CNTNAP2: variants seen among roughly 807,000 people sequenced by gnomAD.
CNTNAP2 encodes contactin associated protein 2.
Under a neutral mutation model 155.2 loss-of-function variants are expected in CNTNAP2, and 98 were observed. That is an observed-to-expected ratio of 0.63 (90% CI 0.54 to 0.75). CNTNAP2 has a LOEUF of 0.75. Ranked by LOEUF, CNTNAP2 falls within the 30% of genes least tolerant of loss-of-function variation. CNTNAP2 has a pLI of 0.00. For missense variants in CNTNAP2, 1,727 were observed against 1,688.1 expected, an observed-to-expected ratio of 1.02 and a Z score of -0.40; for synonymous variants, 651 against 631.2, an observed-to-expected ratio of 1.03 and a Z score of -0.47.
intron 8 of CNTNAP2, among the ~76,000 whole-genome samples, chr7:147,246,094 C>CATAT (rs1249276751): frequency 2.7e-5 from 4 of 147,872 alleles, no homozygotes; most frequent in African/African-American, 9.9e-5. Context: ...ATATATATGG[C>CATAT]ATATATATAT....
intron 21 of CNTNAP2, among the ~76,000 whole-genome samples, chr7:148,367,972 A>G (rs1798816698): frequency 6.6e-6 from 1 of 152,200 alleles, no homozygotes; most frequent in African/African-American, 2.4e-5. Context: ...GCACACAGCG[A>G]GCATTGTCAG....
chr7:146,395,849 GAGAGAGA>G (rs1795618833), intron 1 of CNTNAP2, among the ~76,000 whole-genome samples: 1 of 141,034 alleles, frequency 7.1e-6, no homozygotes, highest in Non-Finnish European at 1.5e-5. Flanking sequence ...GAGAGAGAGA[GAGAGAGA>G]TTAGATGGAC....
chr7:147,652,111 G>A (rs1223034764), intron 13 of CNTNAP2, among the ~76,000 whole-genome samples: 1 of 152,158 alleles, frequency 6.6e-6, no homozygotes, highest in Non-Finnish European at 1.5e-5. Flanking sequence ...TCTTTCCCGA[G>A]CTAGTATTTT....
At chr7:147,067,337 T>C (rs906257481) in intron 4 of CNTNAP2, among the ~76,000 whole-genome samples, 20 of 142,762 alleles carry the variant, frequency 1.4e-4, no homozygotes, top group Non-Finnish European at 6.1e-5. Flanking sequence ...TCATAAGGCC[T>C]CCACCCTCAT....
At position 147,937,140 on chromosome 7, in the gene CNTNAP2, A is replaced by G. The variant is rs539715586; in HGVS notation, c.2255+33419A>G. On this transcript the variant is annotated intron_variant, in intron 14 of 23. Coordinates refer to ENST00000361727, the MANE Select transcript of CNTNAP2 (RefSeq NM_014141.6). ...TTCACTGCTTGACTTAAGAGGAGGAAGACATGATAGGCCAGTCAGTCTTGG... is the reference window on the plus strand; with the variant it reads ...TTCACTGCTTGACTTAAGAGGAGGAGGACATGATAGGCCAGTCAGTCTTGG... Among the ~76,000 whole-genome samples, 423 of 152,248 alleles carry G rather than the reference A, an allele frequency of 2.8e-3. 3 individuals carry two copies. The highest frequency in any genetic ancestry group is 9.9e-3 in the African/African-American group (411 of 41,544).
intron 18 of CNTNAP2, among the ~76,000 whole-genome samples, chr7:148,209,698 C>T (rs1483401393): frequency 6.6e-6 from 1 of 152,210 alleles, no homozygotes; most frequent in East Asian, 1.9e-4. Context: ...AATGCATTCA[C>T]CAAAATGCAG....
chr7:146,859,243 A>G (rs1223283197), intron 3 of CNTNAP2, among the ~76,000 whole-genome samples: 1 of 152,232 alleles, frequency 6.6e-6, no homozygotes, highest in African/African-American at 2.4e-5. Flanking sequence ...GAGCATCACT[A>G]AACTGATTAA....
intron 1 of CNTNAP2, among the ~76,000 whole-genome samples, chr7:146,358,293 C>T (rs186719912): frequency 1.5e-3 from 234 of 152,206 alleles, no homozygotes; most frequent in African/African-American, 5.3e-3. Context: ...CTCAGCCTCC[C>T]AAAGTGCTGG....
At chr7:146,595,635 A>G (rs1798848682) in intron 1 of CNTNAP2, among the ~76,000 whole-genome samples, 1 of 152,064 alleles carries the variant, frequency 6.6e-6, no homozygotes, top group Non-Finnish European at 1.5e-5. Flanking sequence ...TATATTCAGG[A>G]CACCTGCCAA....
chr7:146,455,102 A>G (rs1380208029), intron 1 of CNTNAP2, among the ~76,000 whole-genome samples: 1 of 152,154 alleles, frequency 6.6e-6, no homozygotes, highest in African/African-American at 2.4e-5. Context: ...AAATCCTTTT[A>G]TCCTTTAATT....
rs566221969 is a variant in CNTNAP2 at position 148,054,173 on chromosome 7, C to A, written c.2384-63945C>A. Among the ~76,000 whole-genome samples, 3 of 152,104 alleles carry A rather than the reference C, an allele frequency of 2.0e-5. No individual in the cohort carries two copies. The East Asian group carries it at 5.8e-4, about 29-fold the overall frequency. On this transcript the variant is annotated intron_variant, in intron 15 of 23. Coordinates refer to ENST00000361727, the MANE Select transcript of CNTNAP2 (RefSeq NM_014141.6). ...ATTTTTAGTAGAGACAGGGTTTCAC[C>A]GTGTTAGCCAGGATGTTCTTGATCT...
intron 15 of CNTNAP2, among the ~76,000 whole-genome samples, chr7:148,098,944 C>A (rs544609335): frequency 6.6e-6 from 1 of 152,130 alleles, no homozygotes; most frequent in African/African-American, 2.4e-5. Flanking sequence ...ATGACACAGC[C>A]GCATCAACAT....
chr7:146,904,744 T>C (rs942628460), intron 3 of CNTNAP2, among the ~76,000 whole-genome samples: 1 of 152,178 alleles, frequency 6.6e-6, no homozygotes, highest in Non-Finnish European at 1.5e-5. Context: ...GTGCTGGGAT[T>C]ACAGGCGTGA....
chr7:146,551,314 G>C (rs1424421351), intron 1 of CNTNAP2, among the ~76,000 whole-genome samples: 2 of 152,056 alleles, frequency 1.3e-5, no homozygotes, highest in South Asian at 4.2e-4. Flanking sequence ...ACAGGCCCCA[G>C]TGTGTGATGT....
At chr7:146,651,357 T>C (rs766544474) in intron 1 of CNTNAP2, among the ~76,000 whole-genome samples, 2 of 152,104 alleles carry the variant, frequency 1.3e-5, no homozygotes, top group Non-Finnish European at 2.9e-5. Flanking sequence ...GCCTGTAACA[T>C]ATGAAGGGTC....
intron 12 of CNTNAP2, among the ~76,000 whole-genome samples, chr7:147,568,327 A>ACT (rs1279770897): frequency 3.5e-4 from 53 of 152,186 alleles, no homozygotes; most frequent in Middle Eastern, 3.4e-3. Context: ...ACATAAATTG[A>ACT]CTCTTCATTT....
chr7:148,309,950 G>A (rs1393532769), intron 21 of CNTNAP2, among the ~76,000 whole-genome samples: 7 of 152,116 alleles, frequency 4.6e-5, no homozygotes, highest in African/African-American at 7.2e-5. Flanking sequence ...TGCTTCGAGC[G>A]GGATTAGGGG....
At chr7:147,595,824 T>C (rs924684008) in intron 12 of CNTNAP2, among the ~76,000 whole-genome samples, 9 of 152,210 alleles carry the variant, frequency 5.9e-5, no homozygotes, top group Admixed American at 2.0e-4. Flanking sequence ...GGATACACTG[T>C]GTCTAACTTA....
chr7:146,300,582 T>C (rs1003371883), intron 1 of CNTNAP2, among the ~76,000 whole-genome samples: 30 of 152,126 alleles, frequency 2.0e-4, no homozygotes, highest in African/African-American at 5.3e-4. Flanking sequence ...GGCTGATAGA[T>C]ACTTAAGAGG....
Sources: gnomAD v4.1 joint callset for allele counts (sites outside exome capture counted in the v4.1 genomes callset) on GRCh38, gnomAD v4.1.1 for gene constraint, MANE v1.5 for transcripts, NCBI Gene and HGNC (gene_info 2026-07-23, HGNC 2026-07-21) for gene names.